The following SKAP2 variants were observed in gnomAD, a reference collection of about 807,000 sequenced individuals.
The protein encoded by SKAP2 is src kinase-associated phosphoprotein 2.
SKAP2 carries 28 observed loss-of-function variants against 54.9 expected under a neutral mutation model. The ratio of observed to expected loss-of-function variants is 0.51; its 90% CI spans 0.38 to 0.70. SKAP2 has a LOEUF of 0.70. SKAP2 is among the 30% of genes least tolerant of loss of function. The pLI is 0.00. For missense variants in SKAP2, 356 were observed against 424.1 expected (o/e 0.84, Z 1.41); for synonymous variants, 137 against 134.3 (o/e 1.02, Z -0.14).
chr7:26,764,743 G>A (rs1256753736), intron 4 of SKAP2, among the ~76,000 whole-genome samples: 2 of 152,044 alleles, frequency 1.3e-5, no homozygotes, highest in African/African-American at 2.4e-5. Context: ...ATCTAACACG[G>A]GGTTTCACTG....
chr7:26,768,576 T>C (rs925236356), intron 4 of SKAP2, among the ~76,000 whole-genome samples: 1 of 152,192 alleles, frequency 6.6e-6, no homozygotes, highest in African/African-American at 2.4e-5. Context: ...ATTTGCTATG[T>C]TTTTTGCAGT....
intron 1 of SKAP2, 59 bp downstream of exon 1, chr7:26,864,304 G>A: frequency 2.5e-6 from 4 of 1,606,228 alleles, no homozygotes; most frequent in Admixed American, 3.3e-5. Flanking sequence ...TGTCCCCACC[G>A]GCTCACCGTT....
intron 4 of SKAP2, among the ~76,000 whole-genome samples, chr7:26,780,310 G>T (rs1783400838): frequency 6.6e-6 from 1 of 152,030 alleles, no homozygotes; most frequent in Non-Finnish European, 1.5e-5. Context: ...GTTTTATTCT[G>T]CTTAGTTCAA....
At chr7:26,760,448 T>C (rs1052862195) in intron 4 of SKAP2, among the ~76,000 whole-genome samples, 1 of 152,138 alleles carries the variant, frequency 6.6e-6, no homozygotes, top group Non-Finnish European at 1.5e-5. Context: ...AGGCCCCCAG[T>C]GGATGCCTGA....
chr7:26,820,156 T>C (rs781583641), intron 4 of SKAP2, among the ~76,000 whole-genome samples: 2 of 152,156 alleles, frequency 1.3e-5, no homozygotes, highest in Non-Finnish European at 2.9e-5. Flanking sequence ...GAATAGCCAC[T>C]ATTCCAGCCT....
Position 26,858,937 on chromosome 7 carries a change from G to A in SKAP2, c.68-4047C>T, listed in dbSNP as rs1785228065. On this transcript the variant is annotated intron_variant, in intron 1 of 12. Coordinates refer to ENST00000345317, the MANE Select transcript of SKAP2 (RefSeq NM_003930.5). ...TGGAGGTTAAAAACAAGTCACAAAGGTAACACCTCCTCTTCCTGCCTAGTC... is the reference window on the plus strand; with the variant it reads ...TGGAGGTTAAAAACAAGTCACAAAGATAACACCTCCTCTTCCTGCCTAGTC... Among the ~76,000 whole-genome samples the A allele has an allele frequency of 3.9e-5, 6 of 151,996 alleles. No homozygotes were observed. In the South Asian group the frequency reaches 1.2e-3, roughly 31 times the overall value.
At chr7:26,752,759 G>A (rs1345359571) in intron 4 of SKAP2, among the ~76,000 whole-genome samples, 1 of 152,158 alleles carries the variant, frequency 6.6e-6, no homozygotes, top group African/African-American at 2.4e-5. Context: ...TGACTTTGCA[G>A]GGACATAAAC....
intron 2 of SKAP2, 69 bp downstream of exon 2, chr7:26,854,716 C>T (rs1277435347): frequency 2.1e-6 from 3 of 1,428,776 alleles, no homozygotes; most frequent in East Asian, 4.8e-5. Flanking sequence ...TAATCGATTT[C>T]TTATTAAAAT....
intron 9 of SKAP2, among the ~76,000 whole-genome samples, chr7:26,710,071 T>G (rs1787266333): frequency 6.6e-6 from 1 of 152,168 alleles, no homozygotes; most frequent in African/African-American, 2.4e-5. Flanking sequence ...AGGAAAATAA[T>G]CATCATAAAG....
At chr7:26,784,613 A>G (rs1387111852) in intron 4 of SKAP2, among the ~76,000 whole-genome samples, 1 of 152,236 alleles carries the variant, frequency 6.6e-6, no homozygotes, top group Non-Finnish European at 1.5e-5. Context: ...ACAAAACTGG[A>G]TATAAATCAA....
chr7:26,857,904 G>A (rs921517252), intron 1 of SKAP2: 3 of 177,480 alleles, frequency 1.7e-5, no homozygotes, highest in African/African-American at 4.8e-5. Flanking sequence ...TAGCAAGAGC[G>A]TTAGCCTTCT....
At chr7:26,685,519 C>T (rs182589386) in intron 10 of SKAP2, among the ~76,000 whole-genome samples, 5 of 152,140 alleles carry the variant, frequency 3.3e-5, no homozygotes, top group Middle Eastern at 3.4e-3. Context: ...ATTTTTCAAC[C>T]GATTTTTGTC....
At chr7:26,706,732 G>A (rs1419331239) in intron 9 of SKAP2, among the ~76,000 whole-genome samples, 3 of 152,142 alleles carry the variant, frequency 2.0e-5, no homozygotes, top group African/African-American at 7.2e-5. Context: ...TGATTGATCA[G>A]CACACAGAAT....
intron 11 of SKAP2, among the ~76,000 whole-genome samples, chr7:26,676,589 A>G (rs1036113505): frequency 8.5e-5 from 13 of 152,180 alleles, no homozygotes; most frequent in Admixed American, 7.2e-4. Context: ...CTATCATTCT[A>G]AGTTCTTTTA....
At chr7:26,765,231 T>C (rs1372242242) in intron 4 of SKAP2, among the ~76,000 whole-genome samples, 1 of 152,262 alleles carries the variant, frequency 6.6e-6, no homozygotes, top group Non-Finnish European at 1.5e-5. Flanking sequence ...TAATGACCAG[T>C]GATGATGAGC....
intron 3 of SKAP2, among the ~76,000 whole-genome samples, chr7:26,851,526 T>A (rs768896349): frequency 7.3e-5 from 11 of 151,670 alleles, no homozygotes; most frequent in Non-Finnish European, 1.0e-4. Context: ...TGAGAACACT[T>A]GGATACAGGA....
intron 11 of SKAP2, among the ~76,000 whole-genome samples, chr7:26,681,810 T>A (rs1213392459): frequency 6.6e-6 from 1 of 152,238 alleles, no homozygotes; most frequent in Non-Finnish European, 1.5e-5. Context: ...AAATGTATTC[T>A]TCCTTATATA....
chr7:26,824,512 C>T (rs1784448249), intron 4 of SKAP2, among the ~76,000 whole-genome samples: 1 of 152,182 alleles, frequency 6.6e-6, no homozygotes. Flanking sequence ...ACAAAATATA[C>T]CTATAGGCCA....
intron 4 of SKAP2, among the ~76,000 whole-genome samples, chr7:26,837,197 C>A (rs1156384626): frequency 6.6e-6 from 1 of 151,694 alleles, no homozygotes; most frequent in East Asian, 1.9e-4. Context: ...GGGTTGGGGG[C>A]TAGGGGAGGG....
Sources: allele counts gnomAD v4.1 joint callset (sites outside exome capture counted in the v4.1 genomes callset), GRCh38; gene constraint gnomAD v4.1.1; transcripts MANE v1.5; gene names NCBI Gene and HGNC (gene_info 2026-07-23, HGNC 2026-07-21).